The following CFAP47 variants were observed in gnomAD, a reference collection of about 807,000 sequenced individuals.
CFAP47 encodes cilia and flagella associated protein 47.
A neutral mutation model predicts 148.1 loss-of-function variants in CFAP47; 29 were observed. The ratio of observed to expected loss-of-function variants is 0.20; its 90% CI spans 0.15 to 0.27. The LOEUF is 0.27. Ranked by LOEUF, CFAP47 falls within the 10% of genes least tolerant of loss-of-function variation. The probability of loss-of-function intolerance (pLI) is 1.00; values close to 1 mark genes in which losing one functional copy is unlikely to be tolerated. For synonymous variants in CFAP47, 664 were observed against 577.3 expected, an observed-to-expected ratio of 1.15 and a Z score of -2.15; for missense variants, 1,872 against 1,697.5, an observed-to-expected ratio of 1.10 and a Z score of -1.81.
chrX:35,972,453 A>G (rs1289923162), intron 13 of CFAP47, among the ~76,000 whole-genome samples: 2 of 110,661 alleles, frequency 1.8e-5, no homozygotes, highest in East Asian at 2.9e-4. Flanking sequence ...GCTGGTCTTG[A>G]ACTTCTGACC....
chrX:36,236,568 C>T, intron 47 of CFAP47, 118 bp from the exon 48 acceptor site: 1 of 417,386 alleles, frequency 2.4e-6, no homozygotes, highest in East Asian at 4.1e-5. Flanking sequence ...AAGTCAATGG[C>T]TAACACCTCT....
intron 4 of CFAP47, among the ~76,000 whole-genome samples, chrX:35,950,220 C>A (rs1447465793): frequency 9.0e-6 from 1 of 111,505 alleles, no homozygotes; most frequent in East Asian, 2.8e-4. Context: ...AGTCAGTTAT[C>A]TGTGGTATCT....
At chrX:36,169,780 A>T (rs1224016646) in intron 39 of CFAP47, among the ~76,000 whole-genome samples, 1 of 111,392 alleles carries the variant, frequency 9.0e-6, no homozygotes. Flanking sequence ...CTCATGTTTC[A>T]TCAGGCTTTT....
At chrX:36,317,058 C>CT (rs1382556496) in intron 56 of CFAP47, among the ~76,000 whole-genome samples, 3 of 112,030 alleles carry the variant, frequency 2.7e-5, no homozygotes, top group Non-Finnish European at 3.8e-5. Context: ...AATTTCTGGG[C>CT]TTATGAGCCA....
At chrX:36,378,007 T>C (rs1243569949) in intron 62 of CFAP47, among the ~76,000 whole-genome samples, 1 of 111,950 alleles carries the variant, frequency 8.9e-6, no homozygotes, top group Non-Finnish European at 1.9e-5. Context: ...TCAATACATA[T>C]TTGCTGAATA....
At chrX:36,084,061 A>T (rs1938035911) in intron 29 of CFAP47, among the ~76,000 whole-genome samples, 1 of 110,818 alleles carries the variant, frequency 9.0e-6, no homozygotes, top group Admixed American at 9.6e-5. Flanking sequence ...GATTTAATCT[A>T]CTGTTAGACT....
At chrX:36,236,147 A>G (rs1369212364) in intron 47 of CFAP47, 70 bp downstream of exon 47, 2 of 367,290 alleles carry the variant, frequency 5.4e-6, no homozygotes, top group East Asian at 4.4e-5. Context: ...AATGTATGAC[A>G]TTAGTCTTTT....
At chrX:36,111,587 C>T (rs1230457522) in intron 33 of CFAP47, among the ~76,000 whole-genome samples, 1 of 111,456 alleles carries the variant, frequency 9.0e-6, no homozygotes, top group East Asian at 2.8e-4. Flanking sequence ...TGTTGTGTCT[C>T]TGCCAGGCTT....
chrX:36,276,457 A>G (rs1374701650), intron 49 of CFAP47, among the ~76,000 whole-genome samples: 3 of 112,017 alleles, frequency 2.7e-5, no homozygotes, highest in Non-Finnish European at 5.6e-5. Flanking sequence ...AGTAATTTGA[A>G]TCTATATTTC....
intron 1 of CFAP47, among the ~76,000 whole-genome samples, 162 bp downstream of exon 1, chrX:35,920,210 G>T (rs182285903): frequency 0.015 from 1,660 of 110,983 alleles, 32 homozygotes; most frequent in African/African-American, 0.051. Flanking sequence ...TGCTCTTTTT[G>T]TTTCTCTTTG....
intron 39 of CFAP47, among the ~76,000 whole-genome samples, chrX:36,162,474 T>G (rs1019262686): frequency 3.6e-5 from 4 of 111,821 alleles, no homozygotes; most frequent in Non-Finnish European, 7.5e-5. Context: ...GAGACCCAGT[T>G]TTTAATATTA....
chrX:35,932,069 G>A (rs1352852424), intron 2 of CFAP47, among the ~76,000 whole-genome samples: 1 of 91,291 alleles, frequency 1.1e-5, no homozygotes, highest in Non-Finnish European at 2.1e-5. Context: ...TCTTTTTTGA[G>A]GCAGGGTCTT....
At chrX:36,194,906 G>C (rs782634848) in intron 42 of CFAP47, among the ~76,000 whole-genome samples, 1 of 112,295 alleles carries the variant, frequency 8.9e-6, no homozygotes, top group Non-Finnish European at 1.9e-5. Context: ...AGGCAAACTT[G>C]CATAGGGCTG....
intron 2 of CFAP47, among the ~76,000 whole-genome samples, chrX:35,935,612 C>T (rs1935900656): frequency 9.8e-6 from 1 of 101,983 alleles, no homozygotes; most frequent in African/African-American, 3.7e-5. Flanking sequence ...AAATTGGTGT[C>T]CTTGTAGGAG....
At chrX:35,933,149 T>C (rs923850951) in intron 2 of CFAP47, among the ~76,000 whole-genome samples, 9 of 111,497 alleles carry the variant, frequency 8.1e-5, no homozygotes, top group Admixed American at 7.6e-4. Flanking sequence ...TGATAGTAAA[T>C]ACTAGGTCTT....
intron 51 of CFAP47, among the ~76,000 whole-genome samples, chrX:36,293,694 T>G (rs1332233829): frequency 2.7e-5 from 3 of 111,894 alleles, no homozygotes; most frequent in Admixed American, 9.5e-5. Context: ...CCAAGTGACA[T>G]CTTCATGCCA....
At chrX:36,334,266 A>G (rs892232386) in intron 57 of CFAP47, among the ~76,000 whole-genome samples, 2 of 111,102 alleles carry the variant, frequency 1.8e-5, no homozygotes, top group Admixed American at 9.6e-5. Flanking sequence ...CACAATCTCA[A>G]TGAAACAGAC....
intron 7 of CFAP47, among the ~76,000 whole-genome samples, chrX:35,954,615 A>G (rs932943535): frequency 8.9e-6 from 1 of 111,798 alleles, no homozygotes; most frequent in East Asian, 2.8e-4. Flanking sequence ...GTTTGCCTTA[A>G]AGATAATTTA....
intron 33 of CFAP47, among the ~76,000 whole-genome samples, chrX:36,109,735 C>G (rs1295280695): frequency 9.0e-6 from 1 of 111,629 alleles, no homozygotes; most frequent in Non-Finnish European, 1.9e-5. Context: ...CGGCCTCCCA[C>G]AGTGCTGGGA....
Sources: allele counts gnomAD v4.1 joint callset (sites outside exome capture counted in the v4.1 genomes callset), GRCh38; gene constraint gnomAD v4.1.1; transcripts MANE v1.5; gene names NCBI Gene and HGNC (gene_info 2026-07-23, HGNC 2026-07-21).